Variants in ALPK3 observed in about 807,000 individuals in gnomAD.
The protein encoded by ALPK3 is alpha-protein kinase 3.
A neutral mutation model predicts 140.0 loss-of-function variants in ALPK3; 102 were observed. The ratio of observed to expected loss-of-function variants is 0.73; its 90% CI spans 0.62 to 0.86. The LOEUF is 0.86. ALPK3 is among the 40% of genes least tolerant of loss of function. The probability of loss-of-function intolerance (pLI) is 0.00; values close to 1 mark genes in which losing one functional copy is unlikely to be tolerated. For missense variants in ALPK3, 2,254 were observed against 2,208.2 expected (o/e 1.02, Z -0.42); for synonymous variants, 938 against 898.5 (o/e 1.04, Z -0.79).
rs572138565 is a variant in ALPK3, at chr15:84,835,076, C to T, written c.305-3904C>T. On this transcript the variant is annotated intron_variant, in intron 3 of 13. Transcript: ENST00000258888. ...ATTCAGCTCCTCCCTCCTTGCCCCA[C>T]CCCTGCCCTCTTGCCCAAGCATTTG... is the stretch of plus-strand genomic sequence containing the variant. Among the ~76,000 whole-genome samples the T allele has an allele frequency of 1.1e-4, 17 of 152,332 alleles. No individual in the cohort carries two copies. The South Asian group carries it at 3.5e-3, about 32-fold the overall frequency.
chr15:84,851,690 G>C (rs1358679642), intron 5 of ALPK3, among the ~76,000 whole-genome samples: 2 of 151,886 alleles, frequency 1.3e-5, no homozygotes, highest in Non-Finnish European at 2.9e-5. Flanking sequence ...CCTTTACCTT[G>C]CTTTTTTATT....
chr15:84,848,857 A>G (rs898840614), intron 5 of ALPK3, among the ~76,000 whole-genome samples: 1 of 152,174 alleles, frequency 6.6e-6, no homozygotes, highest in Non-Finnish European at 1.5e-5. Context: ...AAAGAAAATT[A>G]CTGGCTGGGT....
chr15:84,839,579 A>C (rs1188162971), intron 4 of ALPK3, 123 bp from the exon 5 acceptor site: 4 of 1,080,204 alleles, frequency 3.7e-6, no homozygotes. Context: ...GGGGCGTAGC[A>C]CACGGCAGGG....
chr15:84,859,781 G>T lies in ALPK3; in HGVS notation c.3971G>T (p.Gly1324Val). The change falls in exon 8 of 14, where the codon GGG (glycine) becomes GTG (valine). Residue 1324 changes from glycine to valine, a missense_variant. Physicochemically the swap from Gly to Val is moderately radical, Grantham distance 109. Transcript: ENST00000258888. ...GTAGGGTCTCCACTCTGCAGCGCAG[G>T]GGATGAGGGGCCGGCGGCCTTGGCC... The part of the protein sequence containing the change: ...RPVGEVGRSA[G>V]DEGPAALAIV... The T allele has an allele frequency of 6.2e-7, 1 of 1,612,110 alleles. No individual in the cohort carries two copies. Among genetic ancestry groups the T allele is most frequent in the Non-Finnish European group, 8.5e-7 (1 of 1,179,750 alleles).
At chr15:84,861,517 C>G (rs533628734) in intron 9 of ALPK3, among the ~76,000 whole-genome samples, 16 of 152,316 alleles carry the variant, frequency 1.1e-4, no homozygotes, top group African/African-American at 3.6e-4. Context: ...GATCCATCCC[C>G]TTTTAAAGTT....
At chr15:84,859,219 C>G (rs766044337) in intron 6 of ALPK3, 24 bp from the exon 7 acceptor site, 9 of 1,613,496 alleles carry the variant, frequency 5.6e-6, no homozygotes, top group African/African-American at 1.3e-5. Context: ...TGGTGTTCCC[C>G]TCTTGACTGG....
Position 84,864,456 on chromosome 15 carries a change from A to G in ALPK3, c.4514A>G (p.Tyr1505Cys). The change falls in exon 12 of 14, where the codon TAT becomes TGT. Residue 1505 changes from tyrosine to cysteine, a missense_variant. Physicochemically the swap from Tyr to Cys is radical, Grantham distance 194 (BLOSUM62 -2). This residue lies in a region of ALPK3 where 2,088 missense variants were observed against 2,022.9 expected (regional missense o/e 1.03). Transcript: ENST00000258888. ...ACTATGTTTAGGATCATCCCACTGT[A>G]TCTGATCTACCGGCCTGCAAACAAT... ...FGEVPEIIPL[Y>C]LIYRPANNIP... The G allele has an allele frequency of 6.2e-7, 1 of 1,614,086 alleles. No individual in the cohort carries two copies. The highest frequency in any genetic ancestry group is 8.5e-7 in the Non-Finnish European group (1 of 1,179,994).
In ALPK3 at chr15:84,864,522, T is replaced by G; in HGVS notation, c.4580T>G (p.Leu1527Arg). 6.2e-7 allele frequency: 1 copy of G among 1,614,204 alleles called. No individual in the cohort carries two copies. The highest frequency in any genetic ancestry group is 8.5e-7 in the Non-Finnish European group (1 of 1,180,024). The change falls in exon 12 of 14, where the codon CTG becomes CGG. Residue 1527 changes from leucine to arginine, a missense_variant. Transcript: ENST00000258888. ...CTGGAGGAAGACCTGGGCAAGCCCC[T>G]GGAGTCTTACTGTTCTCGGGAATGG... ...ATLEEDLGKP[L>R]ESYCSREWGC... is the part of the protein sequence containing the mutation.
chr15:84,865,866 G>A (rs1478077781), intron 12 of ALPK3, among the ~76,000 whole-genome samples: 2 of 152,148 alleles, frequency 1.3e-5, no homozygotes, highest in African/African-American at 2.4e-5. Flanking sequence ...GCTTGAACCC[G>A]GGAGGCAGAG....
At chr15:84,842,220 G>C (rs921934499) in intron 5 of ALPK3, among the ~76,000 whole-genome samples, 1 of 152,248 alleles carries the variant, frequency 6.6e-6, no homozygotes, top group African/African-American at 2.4e-5. Flanking sequence ...TTTTAGTAGA[G>C]ACAGGGTTTT....
chr15:84,863,448 C>T, intron 10 of ALPK3, 104 bp from the exon 11 acceptor site: 3 of 974,408 alleles, frequency 3.1e-6, no homozygotes, highest in South Asian at 3.4e-5. Context: ...TGGAATCCTC[C>T]TCTCAGTCCC....
In ALPK3 at chr15:84,840,661, G is replaced by A. The variant is rs34409363; in HGVS notation, c.1382G>A (p.Gly461Asp). 1,405 of 1,580,722 alleles carry A rather than the reference G, an allele frequency of 8.9e-4. 4 individuals are homozygous for A. The highest frequency in any genetic ancestry group is 8.2e-3 in the African/African-American group (607 of 73,776). ...AGGGCTAGAAGCGAGGGGGTGCCTGGCGCTCCTGGCCAGCCCACACACTCC... is the reference window on the plus strand; with the variant it reads ...AGGGCTAGAAGCGAGGGGGTGCCTGACGCTCCTGGCCAGCCCACACACTCC... ...PLRARSEGVP[G>D]APGQPTHSLT... Residue 461 changes from glycine (G) to aspartate (D), a missense_variant, in exon 5 of 14, where the codon GGC becomes GAC. Gly to Asp is a moderately conservative substitution (Grantham distance 94). This residue lies in a region of ALPK3 where 2,088 missense variants were observed against 2,022.9 expected (regional missense o/e 1.03). Transcript: ENST00000258888.
At chr15:84,818,206 C>T (rs1466846430) in intron 1 of ALPK3, among the ~76,000 whole-genome samples, 2 of 152,184 alleles carry the variant, frequency 1.3e-5, no homozygotes, top group African/African-American at 2.4e-5. Context: ...ACTTGCAGCT[C>T]TGAGGGAGCC....
At chr15:84,835,320 G>A (rs1172410582) in intron 3 of ALPK3, among the ~76,000 whole-genome samples, 1 of 152,148 alleles carries the variant, frequency 6.6e-6, no homozygotes, top group African/African-American at 2.4e-5. Flanking sequence ...GTTTGTTCCT[G>A]GCCGACGCTG....
At chr15:84,823,680 C>CATG (rs1963454054) in intron 2 of ALPK3, among the ~76,000 whole-genome samples, 1 of 152,148 alleles carries the variant, frequency 6.6e-6, no homozygotes, top group Non-Finnish European at 1.5e-5. Flanking sequence ...AACAGAGAGC[C>CATG]ATGAGTCATG....
At chr15:84,817,653 C>G (rs1963376790) in intron 1 of ALPK3, 58 bp downstream of exon 1, 6 of 1,427,874 alleles carry the variant, frequency 4.2e-6, no homozygotes, top group Non-Finnish European at 4.6e-6. Flanking sequence ...GGATCAGTCC[C>G]TGTGAGGGCG....
rs1181751505 is a variant in ALPK3, at chr15:84,871,507, A to G, written c.*3051A>G. On this transcript the variant is annotated 3_prime_UTR_variant, in exon 14 of 14. Transcript: ENST00000258888. ...TTGAGGATGTGCTCCTTGCTGGGGG[A>G]CTAAACTCTCCACGCCAGCCCAGTC... is the stretch of plus-strand genomic sequence containing the variant. 1.3e-5 allele frequency: 2 copies of G among 152,086 alleles called. No individual in the cohort carries two copies. The highest frequency in any genetic ancestry group is 2.9e-5 in the Non-Finnish European group (2 of 68,042). 9.4% of individuals were successfully genotyped at this position (152,086 alleles called of 1,614,324 possible). A position where few individuals can be genotyped will look rare whatever the true frequency, so the allele number is the denominator to read the frequency against.
At chr15:84,862,564 C>G in intron 9 of ALPK3, 71 bp from the exon 10 acceptor site, 1 of 1,518,108 alleles carries the variant, frequency 6.6e-7, no homozygotes, top group Admixed American at 2.1e-5. Context: ...CTGGCCTTTT[C>G]CTTCCCTGTG....
chr15:84,852,777 A>G (rs1250849358), intron 5 of ALPK3, among the ~76,000 whole-genome samples: 2 of 152,242 alleles, frequency 1.3e-5, no homozygotes, highest in African/African-American at 2.4e-5. Flanking sequence ...TTTAGGCTTT[A>G]TCCTGTCAGT....
Sources: allele counts gnomAD v4.1 joint callset (sites outside exome capture counted in the v4.1 genomes callset), GRCh38; gene constraint gnomAD v4.1.1; regional missense constraint gnomAD v4.1.1; transcripts MANE v1.5; gene names NCBI Gene and HGNC (gene_info 2026-07-23, HGNC 2026-07-21).